DOK6: variants seen among roughly 807,000 people sequenced by gnomAD.
The protein encoded by DOK6 is docking protein 6.
A neutral mutation model predicts 44.0 loss-of-function variants in DOK6; 22 were observed. That is an observed-to-expected ratio of 0.50 (90% CI 0.36 to 0.71). DOK6 has a LOEUF of 0.71. DOK6 is among the 30% of genes least tolerant of loss of function. The pLI is 0.00. For missense variants in DOK6, 340 were observed against 416.4 expected (o/e 0.82, Z 1.60); for synonymous variants, 166 against 145.5 (o/e 1.14, Z -1.01).
chr18:69,696,712 T>C (rs1986398214), intron 4 of DOK6, among the ~76,000 whole-genome samples: 1 of 152,152 alleles, frequency 6.6e-6, no homozygotes, highest in East Asian at 1.9e-4. Flanking sequence ...TGGGTCCAAG[T>C]TTCATTTATT....
rs1420645439 is a variant in DOK6 at position 69,451,691 on chromosome 18, A to T, written c.66+50381A>T. Among the ~76,000 whole-genome samples the T allele has an allele frequency of 4.3e-5, 4 of 93,418 alleles. No homozygotes were observed. In the East Asian group the frequency reaches 1.3e-3, roughly 29 times the overall value. The allele number at this position is 93,418 out of a possible 152,430, so 61.3% of individuals were successfully genotyped here. ...AGCTCTCCTCAGCAAATGTAAAAGA[A>T]CAGAAATTATAACAAACTATCTCTC... On this transcript the variant is annotated intron_variant, in intron 1 of 7. Transcript: ENST00000382713.
At chr18:69,423,401 G>A (rs1978550334) in intron 1 of DOK6, among the ~76,000 whole-genome samples, 1 of 152,108 alleles carries the variant, frequency 6.6e-6, no homozygotes, top group South Asian at 2.1e-4. Context: ...GTTGCCTTTG[G>A]TATTTATCTG....
intron 1 of DOK6, among the ~76,000 whole-genome samples, chr18:69,479,882 G>T (rs574767120): frequency 6.6e-6 from 1 of 152,288 alleles, no homozygotes; most frequent in African/African-American, 2.4e-5. Context: ...TTAGTCTCTT[G>T]TGAGTGTGTG....
intron 2 of DOK6, among the ~76,000 whole-genome samples, chr18:69,564,941 A>G (rs986950232): frequency 2.0e-5 from 3 of 152,218 alleles, no homozygotes; most frequent in Admixed American, 6.5e-5. Flanking sequence ...TTTACTAGAT[A>G]AAAATTAGGG....
At chr18:69,634,413 A>G (rs1984757055) in intron 3 of DOK6, among the ~76,000 whole-genome samples, 1 of 152,220 alleles carries the variant, frequency 6.6e-6, no homozygotes, top group African/African-American at 2.4e-5. Flanking sequence ...TAAAAAAATA[A>G]GAGTTGTCAA....
chr18:69,827,035 T>G (rs554534282), intron 7 of DOK6, among the ~76,000 whole-genome samples: 19 of 152,222 alleles, frequency 1.2e-4, no homozygotes, highest in African/African-American at 4.6e-4. Flanking sequence ...ATAAAAACAA[T>G]TGTTTGATCT....
chr18:69,448,077 G>T (rs995982797), intron 1 of DOK6, among the ~76,000 whole-genome samples: 2 of 152,214 alleles, frequency 1.3e-5, no homozygotes, highest in African/African-American at 2.4e-5. Context: ...GCCTGAAGAA[G>T]GAGTGTGGTC....
chr18:69,669,319 G>A (rs1390155263), intron 3 of DOK6, among the ~76,000 whole-genome samples: 1 of 152,114 alleles, frequency 6.6e-6, no homozygotes, highest in Non-Finnish European at 1.5e-5. Context: ...TGTACTTCGT[G>A]TTTAGCTCCC....
Position 69,841,288 on chromosome 18 carries a change from C to G in DOK6, c.901C>G (p.Pro301Ala), listed in dbSNP as rs1291648859. ...SSKMSRAQTF[P>A]SYAPEQSEEA... ...AAAGATGTCTCGTGCACAGACATTTCCCAGCTACGCCCCAGAACAGAGTGA... is the reference window on the plus strand; with the variant it reads ...AAAGATGTCTCGTGCACAGACATTTGCCAGCTACGCCCCAGAACAGAGTGA... Residue 301 changes from proline (P) to alanine (A), a missense_variant, in exon 8 of 8, where the codon CCC becomes GCC. Around this residue, in one of 3 missense-constraint regions of DOK6, gnomAD observed 112 missense variants for 109.3 expected, o/e 1.02. Coordinates refer to ENST00000382713, the MANE Select transcript of DOK6 (RefSeq NM_152721.6). 1 of 1,614,184 alleles carries G rather than the reference C, an allele frequency of 6.2e-7. No homozygotes were observed. Among genetic ancestry groups the G allele is most frequent in the Non-Finnish European group, 8.5e-7 (1 of 1,180,036 alleles).
At chr18:69,743,223 G>GA (rs1347356441) in intron 6 of DOK6, among the ~76,000 whole-genome samples, 3 of 152,202 alleles carry the variant, frequency 2.0e-5, no homozygotes, top group African/African-American at 7.2e-5. Flanking sequence ...AAATATTTGA[G>GA]AAAATGATTA....
At chr18:69,659,070 A>G (rs1985442315) in intron 3 of DOK6, among the ~76,000 whole-genome samples, 1 of 152,252 alleles carries the variant, frequency 6.6e-6, no homozygotes, top group South Asian at 2.1e-4. Context: ...GAAATCAAAT[A>G]GTAGAACAAT....
At chr18:69,408,913 T>C (rs1471232606) in intron 1 of DOK6, among the ~76,000 whole-genome samples, 2 of 152,222 alleles carry the variant, frequency 1.3e-5, no homozygotes, top group African/African-American at 4.8e-5. Flanking sequence ...GTTGCCTATA[T>C]GCCACTCTCT....
chr18:69,455,009 T>C (rs1979585883), intron 1 of DOK6, among the ~76,000 whole-genome samples: 1 of 148,140 alleles, frequency 6.8e-6, no homozygotes, highest in African/African-American at 2.5e-5. Flanking sequence ...TGTATACATA[T>C]GTAACTAACC....
chr18:69,506,803 T>C (rs1360791526), intron 1 of DOK6, among the ~76,000 whole-genome samples: 3 of 151,978 alleles, frequency 2.0e-5, no homozygotes, highest in African/African-American at 7.2e-5. Flanking sequence ...TTCAGTATTA[T>C]AAAAACTGCT....
intron 5 of DOK6, among the ~76,000 whole-genome samples, chr18:69,722,789 A>G (rs1978290711): frequency 6.6e-6 from 1 of 152,226 alleles, no homozygotes; most frequent in Non-Finnish European, 1.5e-5. Context: ...TTAACAAATA[A>G]TCAGCACCAA....
intron 5 of DOK6, among the ~76,000 whole-genome samples, chr18:69,731,257 G>A (rs1978391730): frequency 6.6e-6 from 1 of 152,042 alleles, no homozygotes; most frequent in Admixed American, 6.6e-5. Flanking sequence ...GCATATATAT[G>A]AGAACAAATA....
At chr18:69,821,094 C>T (rs1284463626) in intron 7 of DOK6, among the ~76,000 whole-genome samples, 1 of 152,104 alleles carries the variant, frequency 6.6e-6, no homozygotes. Context: ...TCCTTGATTA[C>T]ATTATCATAT....
intron 5 of DOK6, among the ~76,000 whole-genome samples, chr18:69,724,610 T>G (rs969811323): frequency 6.6e-6 from 1 of 152,232 alleles, no homozygotes; most frequent in Non-Finnish European, 1.5e-5. Context: ...TAATAGTTGG[T>G]GCTGGGTTGA....
intron 3 of DOK6, among the ~76,000 whole-genome samples, chr18:69,612,411 G>A (rs1425999643): frequency 6.8e-6 from 1 of 146,688 alleles, no homozygotes; most frequent in Non-Finnish European, 1.5e-5. Flanking sequence ...GTGTGCGAGG[G>A]CGCATGTGTG....
Sources: allele counts gnomAD v4.1 joint callset (sites outside exome capture counted in the v4.1 genomes callset), GRCh38; gene constraint gnomAD v4.1.1; regional missense constraint gnomAD v4.1.1; transcripts MANE v1.5; gene names NCBI Gene and HGNC (gene_info 2026-07-23, HGNC 2026-07-21).